AHCYL2: variants seen among roughly 807,000 people sequenced by gnomAD.
The protein encoded by AHCYL2 is adenosylhomocysteinase like 2.
AHCYL2 carries 28 observed loss-of-function variants against 81.4 expected under a neutral mutation model. That is an observed-to-expected ratio of 0.34 (90% CI 0.25 to 0.47). The LOEUF (loss-of-function observed/expected upper bound fraction) is 0.47. Among genes scored for constraint, AHCYL2 ranks in the 20% least tolerant of loss-of-function variants. The pLI is 1.00. For missense variants in AHCYL2, 551 were observed against 785.1 expected, an observed-to-expected ratio of 0.70 and a Z score of 3.56; for synonymous variants, 272 against 290.2, an observed-to-expected ratio of 0.94 and a Z score of 0.64.
chr7:129,340,530 T>C (rs1296436194), intron 1 of AHCYL2, among the ~76,000 whole-genome samples: 1 of 148,412 alleles, frequency 6.7e-6, no homozygotes, highest in Non-Finnish European at 1.5e-5. Flanking sequence ...ATCGCGCCAC[T>C]GCACTCCAGC....
chr7:129,244,735 T>C (rs1164116140), intron 1 of AHCYL2, among the ~76,000 whole-genome samples: 2 of 152,160 alleles, frequency 1.3e-5, no homozygotes, highest in Non-Finnish European at 2.9e-5. Flanking sequence ...ATACGAATCT[T>C]TTGGGGGAAC....
chr7:129,313,114 C>G (rs139129480), intron 1 of AHCYL2, among the ~76,000 whole-genome samples: 1 of 152,248 alleles, frequency 6.6e-6, no homozygotes, highest in African/African-American at 2.4e-5. Flanking sequence ...CTACAACCAC[C>G]CAAAACAGTC....
chr7:129,244,109 C>G (rs1036992620), intron 1 of AHCYL2, among the ~76,000 whole-genome samples: 1 of 151,520 alleles, frequency 6.6e-6, no homozygotes, highest in Non-Finnish European at 1.5e-5. Context: ...AGTGATTCTT[C>G]AGCCTCAGCC....
chr7:129,368,137 A>C lies in AHCYL2; in HGVS notation c.364-11501A>C, dbSNP rs1032820155. The C allele has an allele frequency of 9.5e-7, 1 of 1,049,212 alleles. No individual in the cohort carries two copies. The highest frequency in any genetic ancestry group is 1.7e-5 in the African/African-American group (1 of 59,578). 65.0% of individuals were successfully genotyped at this position (1,049,212 alleles called of 1,614,324 possible). A position where few individuals can be genotyped will look rare whatever the true frequency, so the allele number is the denominator to read the frequency against. On this transcript the variant is annotated intron_variant, in intron 1 of 16. Transcript: ENST00000325006. The surrounding 1 kb of genome is among the most constrained non-coding windows in gnomAD (Gnocchi z 4.4). ...CACACACAGGGAAAGAAGGAAGTCCAACTATTGCTGCAGAAAGTCCCCACT... is the reference window on the plus strand; with the variant it reads ...CACACACAGGGAAAGAAGGAAGTCCCACTATTGCTGCAGAAAGTCCCCACT...
At chr7:129,373,721 A>G (rs1173117975) in intron 1 of AHCYL2, among the ~76,000 whole-genome samples, 1 of 152,212 alleles carries the variant, frequency 6.6e-6, no homozygotes, top group African/African-American at 2.4e-5. Context: ...GGCTCAAGTT[A>G]TCTGACTTAA....
At chr7:129,283,330 AG>A in intron 1 of AHCYL2, 1 of 455,386 alleles carries the variant, frequency 2.2e-6, no homozygotes, top group South Asian at 1.6e-5. Flanking sequence ...TCTGTCTCTC[AG>A]GGATTGCTGT....
At chr7:129,299,369 GTTTTTTTTTTTTTTTTTTTTTT>G (rs71162592) in intron 1 of AHCYL2, among the ~76,000 whole-genome samples, 32 of 46,304 alleles carry the variant, frequency 6.9e-4, no homozygotes, top group East Asian at 1.8e-3. Flanking sequence ...AGTCCAACTT[GTTTTTTTTTTTTTTTTTTTTTT>G]TTTTTTTTTT....
At position 129,322,200 on chromosome 7, in the gene AHCYL2, CGT is replaced by C. The variant is rs1563196224; in HGVS notation, c.364-57436_364-57435del. Among the ~76,000 whole-genome samples, 516 of 152,218 alleles carry C rather than the reference CGT, an allele frequency of 3.4e-3. 1 individual carries two copies. Among genetic ancestry groups the C allele is most frequent in the African/African-American group, 0.012 (499 of 41,526 alleles). On this transcript the variant is annotated intron_variant, in intron 1 of 16. Transcript: ENST00000325006. ...TGTTACCCAGGCTGGAGTCCAGTGG[CGT>C]GATCTTGGCTCACTGCAACCTCTTC... is the stretch of plus-strand genomic sequence containing the variant.
intron 1 of AHCYL2, among the ~76,000 whole-genome samples, chr7:129,344,520 G>A (rs566108829): frequency 2.0e-5 from 3 of 152,274 alleles, no homozygotes; most frequent in Admixed American, 6.5e-5. Flanking sequence ...TTTGTATGAC[G>A]TTCCATAAAA....
intron 1 of AHCYL2, among the ~76,000 whole-genome samples, chr7:129,307,068 G>GAATCTTGTCC (rs1261906667): frequency 6.6e-6 from 1 of 152,186 alleles, no homozygotes; most frequent in African/African-American, 2.4e-5. Context: ...GTAAAGTGTT[G>GAATCTTGTCC]AATCTTGTCC....
chr7:129,262,462 A>G (rs950173566), intron 1 of AHCYL2, among the ~76,000 whole-genome samples: 20 of 152,216 alleles, frequency 1.3e-4, no homozygotes, highest in Admixed American at 1.1e-3. Flanking sequence ...CAAAAGGTGA[A>G]GCAGAGGACA....
intron 1 of AHCYL2, among the ~76,000 whole-genome samples, chr7:129,358,737 G>C (rs562143912): frequency 2.6e-5 from 4 of 152,226 alleles, no homozygotes; most frequent in African/African-American, 9.6e-5. Context: ...TGGTTAAAGT[G>C]GTAACTCTTA....
intron 12 of AHCYL2, among the ~76,000 whole-genome samples, chr7:129,416,963 A>C (rs927479421): frequency 2.0e-5 from 3 of 151,988 alleles, no homozygotes; most frequent in African/African-American, 4.8e-5. Flanking sequence ...ACAAAAAATA[A>C]AAAAACAAAA....
At chr7:129,400,269 C>T (rs763408622) in intron 5 of AHCYL2, 21 bp from the exon 6 acceptor site, 1 of 1,611,160 alleles carries the variant, frequency 6.2e-7, no homozygotes, top group East Asian at 2.2e-5. Flanking sequence ...AATGGTTTCC[C>T]TTTGTTCCTT....
chr7:129,303,226 C>G (rs1033829781), intron 1 of AHCYL2, among the ~76,000 whole-genome samples: 2 of 152,116 alleles, frequency 1.3e-5, no homozygotes, highest in African/African-American at 4.8e-5. Flanking sequence ...CTCGAACTCC[C>G]AACCTCAGGT....
chr7:129,340,375 G>A (rs944958144), intron 1 of AHCYL2, among the ~76,000 whole-genome samples: 1 of 150,996 alleles, frequency 6.6e-6, no homozygotes, highest in Admixed American at 6.6e-5. Flanking sequence ...AGACCATCCT[G>A]GCTAACACGG....
rs1795105682 is a variant in AHCYL2 at position 129,384,330 on chromosome 7, C to G, written c.475+4581C>G. 3.4e-5 allele frequency among the ~76,000 whole-genome samples: 5 copies of G among 148,424 alleles called. No individual in the cohort carries two copies. In the Admixed American group the frequency reaches 3.4e-4, roughly 10 times the overall value. Reference sequence around the variant, plus strand: ...TATATATTATGTTGCTAATATGTTGCTAATATGTTTTGGTCTTTTCCTTTC... The same window carrying G: ...TATATATTATGTTGCTAATATGTTGGTAATATGTTTTGGTCTTTTCCTTTC... On this transcript the variant is annotated intron_variant, in intron 2 of 16. Transcript: ENST00000325006.
At chr7:129,357,895 C>T (rs1047849283) in intron 1 of AHCYL2, among the ~76,000 whole-genome samples, 6 of 149,566 alleles carry the variant, frequency 4.0e-5, no homozygotes, top group Admixed American at 6.7e-5. Context: ...GATCAGGCCA[C>T]TGCACTCCAG....
intron 1 of AHCYL2, among the ~76,000 whole-genome samples, chr7:129,340,360 C>G (rs1189917658): frequency 2.7e-5 from 4 of 150,748 alleles, no homozygotes; most frequent in African/African-American, 4.9e-5. Context: ...GAGGTCAGGA[C>G]ATCGAGACCA....
Sources: allele counts gnomAD v4.1 joint callset (sites outside exome capture counted in the v4.1 genomes callset), GRCh38; gene constraint gnomAD v4.1.1; non-coding constraint Gnocchi (gnomAD v3.1); transcripts MANE v1.5; gene names NCBI Gene and HGNC (gene_info 2026-07-23, HGNC 2026-07-21).